ADCK1: variants seen among roughly 807,000 people sequenced by gnomAD.
ADCK1 encodes aarF domain containing kinase 1.
ADCK1 carries 41 observed loss-of-function variants against 52.3 expected under a neutral mutation model. The ratio of observed to expected loss-of-function variants is 0.78; its 90% CI spans 0.61 to 1.02. The LOEUF (loss-of-function observed/expected upper bound fraction) is 1.02. ADCK1 is among the 50% of genes least tolerant of loss of function. ADCK1 has a pLI of 0.00. For missense variants in ADCK1, 658 were observed against 679.5 expected (o/e 0.97, Z 0.35); for synonymous variants, 250 against 274.6 (o/e 0.91, Z 0.89).
At chr14:77,859,450 C>T (rs1295240191) in intron 4 of ADCK1, among the ~76,000 whole-genome samples, 171 bp downstream of exon 4, 1 of 152,140 alleles carries the variant, frequency 6.6e-6, no homozygotes, top group African/African-American at 2.4e-5. Context: ...ATCTCAGTGG[C>T]CCTCAGTGAA....
chr14:77,850,800 G>A (rs1321155145), intron 3 of ADCK1, among the ~76,000 whole-genome samples: 6 of 151,350 alleles, frequency 4.0e-5, no homozygotes, highest in Non-Finnish European at 8.8e-5. Flanking sequence ...ACAGGTGCCC[G>A]CCACCACGCC....
intron 6 of ADCK1, among the ~76,000 whole-genome samples, chr14:77,905,686 C>T (rs183792451): frequency 2.5e-4 from 38 of 152,110 alleles, no homozygotes; most frequent in Non-Finnish European, 5.9e-5. Flanking sequence ...CGGTGGCTCA[C>T]GCCTGTAATC....
intron 7 of ADCK1, among the ~76,000 whole-genome samples, chr14:77,917,064 C>T (rs1189285648): frequency 1.3e-5 from 2 of 151,978 alleles, no homozygotes; most frequent in African/African-American, 4.8e-5. Flanking sequence ...CCTGTCTCTA[C>T]AAAAAAATAA....
At chr14:77,881,599 T>C (rs555584046) in intron 4 of ADCK1, among the ~76,000 whole-genome samples, 1 of 152,232 alleles carries the variant, frequency 6.6e-6, no homozygotes, top group Non-Finnish European at 1.5e-5. Flanking sequence ...TTAACACCTA[T>C]CAGGGCATGT....
At chr14:77,813,429 GC>G (rs2081375786) in intron 1 of ADCK1, among the ~76,000 whole-genome samples, 1 of 152,158 alleles carries the variant, frequency 6.6e-6, no homozygotes. Context: ...TCCTGCCTCA[GC>G]CTTCCGAGTG....
intron 4 of ADCK1, among the ~76,000 whole-genome samples, chr14:77,864,661 ATG>A (rs1424631630): frequency 9.1e-6 from 1 of 109,436 alleles, no homozygotes; most frequent in African/African-American, 3.3e-5. Context: ...GTGTGTGTGT[ATG>A]TGTGTTTGTG....
chr14:77,870,904 G>A (rs1458745783), intron 4 of ADCK1, among the ~76,000 whole-genome samples: 1 of 152,236 alleles, frequency 6.6e-6, no homozygotes, highest in East Asian at 1.9e-4. Flanking sequence ...GGGGCTGTCA[G>A]TATGGGCAGG....
At chr14:77,822,395 G>A (rs765299377) in intron 2 of ADCK1, 40 bp from the exon 3 acceptor site, 6 of 1,524,084 alleles carry the variant, frequency 3.9e-6, no homozygotes, top group Non-Finnish European at 5.5e-6. Context: ...AGTACTTAAT[G>A]TCCAGGTGCT....
chr14:77,806,592 A>G (rs1013936754), intron 1 of ADCK1, among the ~76,000 whole-genome samples: 3 of 152,004 alleles, frequency 2.0e-5, no homozygotes, highest in African/African-American at 7.2e-5. Flanking sequence ...GTTCTTCTTT[A>G]TCCTGCTGGA....
intron 4 of ADCK1, among the ~76,000 whole-genome samples, chr14:77,874,018 C>A (rs1294015400): frequency 6.6e-6 from 1 of 152,126 alleles, no homozygotes; most frequent in East Asian, 1.9e-4. Context: ...GAACTAATAC[C>A]CAAGGTGAGG....
intron 4 of ADCK1, among the ~76,000 whole-genome samples, chr14:77,874,525 A>G (rs1178614272): frequency 1.3e-5 from 2 of 152,140 alleles, no homozygotes; most frequent in African/African-American, 2.4e-5. Flanking sequence ...TTGAGGCCAG[A>G]CTAGGGAGGC....
At chr14:77,811,738 G>A (rs1566626506) in intron 1 of ADCK1, among the ~76,000 whole-genome samples, 1 of 152,146 alleles carries the variant, frequency 6.6e-6, no homozygotes, top group East Asian at 1.9e-4. Flanking sequence ...GAGCCCAGGA[G>A]GTTGAGGCTG....
intron 4 of ADCK1, among the ~76,000 whole-genome samples, chr14:77,876,351 C>T (rs2082899004): frequency 6.6e-6 from 1 of 152,216 alleles, no homozygotes; most frequent in Non-Finnish European, 1.5e-5. Context: ...GTCATGTCAT[C>T]TCTTTCTCTA....
intron 4 of ADCK1, among the ~76,000 whole-genome samples, chr14:77,871,891 C>T (rs2082786749): frequency 6.6e-6 from 1 of 152,186 alleles, no homozygotes; most frequent in South Asian, 2.1e-4. Context: ...TGTTAGGTCT[C>T]ATGCCTAAGT....
chr14:77,920,808 C>T (rs1021838362), intron 7 of ADCK1, among the ~76,000 whole-genome samples: 1 of 151,976 alleles, frequency 6.6e-6, no homozygotes, highest in African/African-American at 2.4e-5. Context: ...CTCCACCACA[C>T]CTGGCTGAAT....
Position 77,805,252 on chromosome 14 carries a change from CTTTT to C in ADCK1, c.-12+5106_-12+5109del, listed in dbSNP as rs777184096. 7.7e-3 allele frequency among the ~76,000 whole-genome samples: 480 copies of C among 62,312 alleles called. 8 individuals carry two copies. The highest frequency in any genetic ancestry group is 0.026 in the African/African-American group (457 of 17,844). The allele number at this position is 62,312 out of a possible 152,430, so 40.9% of individuals were successfully genotyped here. A position where few individuals can be genotyped will look rare whatever the true frequency, so the allele number is the denominator to read the frequency against. ...AAAGAGTCATTTTTGGCTTTGCATT[CTTTT>C]TTTTTTTTTTTTTTTTTTTTTTTGA... On this transcript the variant is annotated intron_variant, in intron 1 of 10. Coordinates refer to ENST00000238561, the MANE Select transcript of ADCK1 (RefSeq NM_020421.4).
chr14:77,837,724 G>C (rs1162624803), intron 3 of ADCK1, among the ~76,000 whole-genome samples: 5 of 152,232 alleles, frequency 3.3e-5, no homozygotes, highest in African/African-American at 1.2e-4. Context: ...AGAGCCATCT[G>C]TCAAGCCTCG....
intron 5 of ADCK1, among the ~76,000 whole-genome samples, chr14:77,896,261 A>T (rs2083406261): frequency 6.6e-6 from 1 of 152,238 alleles, no homozygotes; most frequent in African/African-American, 2.4e-5. Context: ...TGACCATACA[A>T]TAAATGATGA....
At position 77,934,471 on chromosome 14, in the gene ADCK1, T is replaced by A. The variant is rs1380388630; in HGVS notation, c.*1080T>A. ...CCCAGTTTTAGGCCTGGAATTCTAC[T>A]TGTCTCCCCCCAGTCCTTCTGGAGA... On this transcript the variant is annotated 3_prime_UTR_variant, in exon 11 of 11. Transcript: ENST00000238561. 2 of 152,164 alleles carry A rather than the reference T, an allele frequency of 1.3e-5. No individual in the cohort carries two copies. The highest frequency in any genetic ancestry group is 2.9e-5 in the Non-Finnish European group (2 of 68,056). The allele number at this position is 152,164 out of a possible 1,614,324, so 9.4% of individuals were successfully genotyped here.
Sources: gnomAD v4.1 joint callset for allele counts (sites outside exome capture counted in the v4.1 genomes callset) on GRCh38, gnomAD v4.1.1 for gene constraint, MANE v1.5 for transcripts, NCBI Gene and HGNC (gene_info 2026-07-23, HGNC 2026-07-21) for gene names.